The following FKTN variants were observed in gnomAD, a reference collection of about 807,000 sequenced individuals.
FKTN encodes fukutin.
FKTN carries 47 observed loss-of-function variants against 58.6 expected under a neutral mutation model. The observed-to-expected ratio is 0.80, with a 90% CI of 0.63 to 1.02. FKTN has a LOEUF of 1.02. FKTN is among the 50% of genes least tolerant of loss of function. The pLI, the probability that FKTN is intolerant of heterozygous loss-of-function variation, is 0.00. For synonymous variants in FKTN, 178 were observed against 191.9 expected (o/e 0.93, Z 0.60); for missense variants, 516 against 537.3 (o/e 0.96, Z 0.39).
In FKTN at chr9:105,566,571, C is replaced by T. The variant is rs191620170; in HGVS notation, c.-180-7084C>T. 8.6e-3 allele frequency among the ~76,000 whole-genome samples: 1,298 copies of T among 150,292 alleles called. 21 individuals carry two copies. The highest frequency in any genetic ancestry group is 0.03 in the African/African-American group (1,236 of 40,960). On this transcript the variant is annotated intron_variant, in intron 1 of 10. Coordinates refer to ENST00000357998, the MANE Select transcript of FKTN (RefSeq NM_001079802.2). Reference sequence around the variant, plus strand: ...AGAAATGGATAAATTCCTTGACACACACACTCTCCCAAGACTAAACCAGGA... The same window carrying T: ...AGAAATGGATAAATTCCTTGACACATACACTCTCCCAAGACTAAACCAGGA...
intron 3 of FKTN, among the ~76,000 whole-genome samples, chr9:105,596,158 T>C (rs907948680): frequency 5.3e-5 from 8 of 152,220 alleles, no homozygotes; most frequent in Admixed American, 1.3e-4. Flanking sequence ...ATAATTGATA[T>C]ATGGAAGTGT....
At chr9:105,561,690 T>G (rs1470168068) in intron 1 of FKTN, among the ~76,000 whole-genome samples, 4 of 152,214 alleles carry the variant, frequency 2.6e-5, no homozygotes, top group African/African-American at 9.6e-5. Context: ...TAACAGCATG[T>G]GTAGGTAGAA....
intron 3 of FKTN, among the ~76,000 whole-genome samples, chr9:105,580,265 C>T (rs146850891): frequency 0.026 from 4,022 of 151,942 alleles, 182 homozygotes; most frequent in African/African-American, 0.087. Context: ...CTAGTCTCGA[C>T]GGTCTTTACA....
rs1834101582 is a variant in FKTN, at chr9:105,637,164, T to C, written c.*1900T>C. 2 of 985,470 alleles carry C rather than the reference T, an allele frequency of 2.0e-6. No individual in the cohort carries two copies. The highest frequency in any genetic ancestry group is 1.1e-4 in the East Asian group (1 of 8,926). The allele number at this position is 985,470 out of a possible 1,614,324, so 61.0% of individuals were successfully genotyped here. ...TATTTTTGGGCAAAATCCACCCTACTTGATGAGGACCATTTGCTTGTGCTC... is the reference window on the plus strand; with the variant it reads ...TATTTTTGGGCAAAATCCACCCTACCTGATGAGGACCATTTGCTTGTGCTC... On this transcript the variant is annotated 3_prime_UTR_variant, in exon 11 of 11. Transcript: ENST00000357998.
chr9:105,565,245 G>A (rs879250090), intron 1 of FKTN, among the ~76,000 whole-genome samples: 6 of 152,132 alleles, frequency 3.9e-5, no homozygotes, highest in African/African-American at 7.2e-5. Flanking sequence ...ATCAACTAAC[G>A]AGGAAAATCA....
chr9:105,595,534 A>G (rs1454869737), intron 3 of FKTN, among the ~76,000 whole-genome samples: 1 of 152,214 alleles, frequency 6.6e-6, no homozygotes, highest in Non-Finnish European at 1.5e-5. Context: ...ATCCCTTAGT[A>G]TTAAAATGTT....
At chr9:105,599,083 A>G (rs1827350598) in intron 4 of FKTN, among the ~76,000 whole-genome samples, 1 of 152,176 alleles carries the variant, frequency 6.6e-6, no homozygotes. Context: ...AATGGTATCA[A>G]AGATATATGA....
At position 105,561,084 on chromosome 9, in the gene FKTN, C is replaced by CA. The variant is rs763353076; in HGVS notation, c.-181+2925dup. Among the ~76,000 whole-genome samples the CA allele has an allele frequency of 8.2e-5, 12 of 145,592 alleles. No homozygotes were observed. In the East Asian group the frequency reaches 1.2e-3, roughly 15 times the overall value. Reference sequence around the variant, plus strand: ...CTGGCAACAGAGCAAGAATCCGTCTCAAAAAACAAAAAAAAAAACAAAACA... The same window carrying CA: ...CTGGCAACAGAGCAAGAATCCGTCTCAAAAAAACAAAAAAAAAAACAAAACA... On this transcript the variant is annotated intron_variant, in intron 1 of 10. Coordinates refer to ENST00000357998, the MANE Select transcript of FKTN (RefSeq NM_001079802.2).
Position 105,618,049 on chromosome 9 carries a change from C to A in FKTN, c.1001C>A (p.Ala334Glu), listed in dbSNP as rs1405799130. 1.2e-6 allele frequency: 2 copies of A among 1,610,454 alleles called. No individual in the cohort carries two copies. Among genetic ancestry groups the A allele is most frequent in the South Asian group, 2.2e-5 (2 of 91,040 alleles). The change falls in exon 9 of 11, where the codon GCA becomes GAA. Residue 334 changes from alanine to glutamate, a missense_variant. Ala to Glu is a moderately radical substitution (Grantham distance 107). Coordinates refer to ENST00000357998, the MANE Select transcript of FKTN (RefSeq NM_001079802.2). ...GATTACAAATCTGATATTATTTTAG[C>A]ATTTCAGGATGCAGGACTTCCGCTC... is the stretch of plus-strand genomic sequence containing the variant. Reference protein sequence around the residue: ...IQDYKSDIILAFQDAGLPLKH... With the variant: ...IQDYKSDIILEFQDAGLPLKH...
chr9:105,573,375 G>A (rs2131981693), intron 1 of FKTN, among the ~76,000 whole-genome samples: 1 of 152,302 alleles, frequency 6.6e-6, no homozygotes, highest in East Asian at 1.9e-4. Context: ...TGTAATTCCA[G>A]CACTTTGGGA....
At chr9:105,564,691 CAG>C (rs1266076430) in intron 1 of FKTN, among the ~76,000 whole-genome samples, 1 of 152,158 alleles carries the variant, frequency 6.6e-6, no homozygotes, top group Non-Finnish European at 1.5e-5. Flanking sequence ...CTGAAAGTGA[CAG>C]GGAGAATGGA....
At chr9:105,582,044 C>A (rs562333624) in intron 3 of FKTN, among the ~76,000 whole-genome samples, 2,079 of 151,978 alleles carry the variant, frequency 0.014, 50 homozygotes, top group African/African-American at 0.048. Flanking sequence ...GTGCGCGCAC[C>A]CACTAGCCTG....
At position 105,637,567 on chromosome 9, in the gene FKTN, G is replaced by T; in HGVS notation, c.*2303G>T. ...AGTTGGGTTCTGTGGAGTGTCCAGAGACCTTGGGTTAGGTATATCCATCTT... is the reference window on the plus strand; with the variant it reads ...AGTTGGGTTCTGTGGAGTGTCCAGATACCTTGGGTTAGGTATATCCATCTT... On this transcript the variant is annotated 3_prime_UTR_variant, in exon 11 of 11. Transcript: ENST00000357998. 1.0e-6 allele frequency: 1 copy of T among 985,400 alleles called. No individual in the cohort carries two copies. Among genetic ancestry groups the T allele is most frequent in the African/African-American group, 1.7e-5 (1 of 57,350 alleles). 61.0% of individuals were successfully genotyped at this position (985,400 alleles called of 1,614,324 possible). A position where few individuals can be genotyped will look rare whatever the true frequency, so the allele number is the denominator to read the frequency against.
intron 3 of FKTN, among the ~76,000 whole-genome samples, chr9:105,575,796 A>G (rs1841565137): frequency 6.6e-6 from 1 of 152,198 alleles, no homozygotes; most frequent in Non-Finnish European, 1.5e-5. Context: ...CTCATGTCTT[A>G]ATTAGAACTA....
At chr9:105,581,739 G>A (rs1245389551) in intron 3 of FKTN, among the ~76,000 whole-genome samples, 1 of 152,168 alleles carries the variant, frequency 6.6e-6, no homozygotes. Context: ...AGCAAGCCTG[G>A]GCAATGGCGG....
At chr9:105,575,835 T>A (rs1027608480) in intron 3 of FKTN, among the ~76,000 whole-genome samples, 1 of 152,204 alleles carries the variant, frequency 6.6e-6, no homozygotes, top group African/African-American at 2.4e-5. Context: ...TTTGCGCCCC[T>A]CCTCAACTAG....
intron 3 of FKTN, among the ~76,000 whole-genome samples, chr9:105,584,321 C>G (rs1344265424): frequency 1.3e-5 from 2 of 151,796 alleles, no homozygotes; most frequent in East Asian, 1.9e-4. Flanking sequence ...TACAAACTGC[C>G]TTAGTAATAA....
At chr9:105,614,026 T>C (rs1830382533) in intron 7 of FKTN, among the ~76,000 whole-genome samples, 1 of 152,142 alleles carries the variant, frequency 6.6e-6, no homozygotes, top group East Asian at 1.9e-4. Flanking sequence ...CAAGTTATTG[T>C]GGTATATTTG....
At chr9:105,632,409 A>C (rs1833580548) in intron 10 of FKTN, among the ~76,000 whole-genome samples, 1 of 127,946 alleles carries the variant, frequency 7.8e-6, no homozygotes, top group South Asian at 2.3e-4. Context: ...CCTAAAACTT[A>C]AAAGTATAAT....
Sources: allele counts gnomAD v4.1 joint callset (sites outside exome capture counted in the v4.1 genomes callset), GRCh38; gene constraint gnomAD v4.1.1; transcripts MANE v1.5; gene names NCBI Gene and HGNC (gene_info 2026-07-23, HGNC 2026-07-21).